RABEP1: variants seen among roughly 807,000 people sequenced by gnomAD.
RABEP1 encodes the protein rabaptin, RAB GTPase binding effector protein 1.
In RABEP1, 51 loss-of-function variants were observed where a neutral mutation model predicts 123.4. That is an observed-to-expected ratio of 0.41 (90% CI 0.33 to 0.52). RABEP1 has a LOEUF of 0.52. RABEP1 is among the 20% of genes least tolerant of loss of function. The pLI is 0.16. For synonymous variants in RABEP1, 347 were observed against 355.2 expected, an observed-to-expected ratio of 0.98 and a Z score of 0.26; for missense variants, 888 against 996.3, an observed-to-expected ratio of 0.89 and a Z score of 1.46.
chr17:5,294,472 A>G (rs1323966513), intron 1 of RABEP1, among the ~76,000 whole-genome samples: 1 of 152,044 alleles, frequency 6.6e-6, no homozygotes, highest in Non-Finnish European at 1.5e-5. Context: ...ATTAGGTATT[A>G]TAAGTTATTT....
intron 2 of RABEP1, among the ~76,000 whole-genome samples, chr17:5,326,146 A>G (rs573985793): frequency 6.6e-6 from 1 of 152,338 alleles, no homozygotes; most frequent in East Asian, 1.9e-4. Flanking sequence ...GCTCCTTGGT[A>G]TGCAATTAAA....
At chr17:5,314,552 T>C (rs1323528769) in intron 2 of RABEP1, among the ~76,000 whole-genome samples, 5 of 148,834 alleles carry the variant, frequency 3.4e-5, no homozygotes, top group African/African-American at 1.2e-4. Flanking sequence ...GGAGTCTTGC[T>C]CTGTCACCCA....
At chr17:5,356,272 T>C (rs960310778) in intron 8 of RABEP1, among the ~76,000 whole-genome samples, 1 of 152,094 alleles carries the variant, frequency 6.6e-6, no homozygotes, top group African/African-American at 2.4e-5. Flanking sequence ...ATGAGAATTG[T>C]TTGAACCCGG....
intron 1 of RABEP1, among the ~76,000 whole-genome samples, chr17:5,292,961 C>T (rs1260819173): frequency 6.6e-6 from 1 of 152,196 alleles, no homozygotes; most frequent in Admixed American, 6.5e-5. Context: ...GCATTACAGG[C>T]ATGAGCTGCT....
chr17:5,320,929 T>C (rs2075349525), intron 2 of RABEP1, among the ~76,000 whole-genome samples: 1 of 152,186 alleles, frequency 6.6e-6, no homozygotes, highest in Non-Finnish European at 1.5e-5. Context: ...ATAACAACAC[T>C]GAATGTATAT....
intron 1 of RABEP1, among the ~76,000 whole-genome samples, chr17:5,305,946 G>A (rs1348515307): frequency 1.3e-5 from 2 of 152,048 alleles, no homozygotes; most frequent in Non-Finnish European, 2.9e-5. Context: ...TACCATTAGT[G>A]ACATGGAACT....
intron 8 of RABEP1, among the ~76,000 whole-genome samples, chr17:5,355,519 C>T (rs1456660655): frequency 6.6e-6 from 1 of 152,204 alleles, no homozygotes; most frequent in African/African-American, 2.4e-5. Flanking sequence ...GTAGCCAGAC[C>T]TGTGCACTTA....
intron 1 of RABEP1, among the ~76,000 whole-genome samples, chr17:5,288,032 G>T (rs1197665980): frequency 6.6e-6 from 1 of 152,118 alleles, no homozygotes; most frequent in African/African-American, 2.4e-5. Context: ...ATGGCCAACA[G>T]GATTTGCTGA....
rs532546238 is a variant in RABEP1, at chr17:5,351,641, T to G, written c.963+1012T>G. On this transcript the variant is annotated intron_variant, in intron 7 of 17. Transcript: ENST00000537505. ...TGAGACTCTGTTTCTACAATAATAATAAGAAGAATAATTAGCTGGGCATGG... is the reference window on the plus strand; with the variant it reads ...TGAGACTCTGTTTCTACAATAATAAGAAGAAGAATAATTAGCTGGGCATGG... Among the ~76,000 whole-genome samples the G allele has an allele frequency of 2.2e-4, 33 of 152,008 alleles. 1 individual carries two copies. In the South Asian group the frequency reaches 4.2e-3, roughly 19 times the overall value.
chr17:5,290,950 C>G (rs532602364), intron 1 of RABEP1, among the ~76,000 whole-genome samples: 1 of 152,262 alleles, frequency 6.6e-6, no homozygotes, highest in African/African-American at 2.4e-5. Context: ...TTAACACTTT[C>G]ACAATTGAGG....
intron 7 of RABEP1, among the ~76,000 whole-genome samples, chr17:5,353,698 A>G (rs1214628105): frequency 6.6e-6 from 1 of 152,060 alleles, no homozygotes; most frequent in Non-Finnish European, 1.5e-5. Flanking sequence ...AAAACCAAAA[A>G]ATTAGCCAGG....
chr17:5,282,598 A>AGGC, intron 1 of RABEP1, 78 bp downstream of exon 1: 1 of 1,017,826 alleles, frequency 9.8e-7, no homozygotes, highest in Non-Finnish European at 1.2e-6. Context: ...CGGGGCGGGC[A>AGGC]GGCGGCGGCA....
chr17:5,301,546 A>G (rs2075134992), intron 1 of RABEP1, among the ~76,000 whole-genome samples: 1 of 152,206 alleles, frequency 6.6e-6, no homozygotes, highest in African/African-American at 2.4e-5. Flanking sequence ...AACCTGAACC[A>G]GAATATAAAT....
At chr17:5,372,594 C>T (rs1234945766) in intron 12 of RABEP1, among the ~76,000 whole-genome samples, 1 of 152,198 alleles carries the variant, frequency 6.6e-6, no homozygotes, top group East Asian at 1.9e-4. Context: ...AATGAAGACA[C>T]TACTCTGTTT....
At chr17:5,363,486 G>A (rs1464804811) in intron 10 of RABEP1, among the ~76,000 whole-genome samples, 1 of 152,000 alleles carries the variant, frequency 6.6e-6, no homozygotes, top group African/African-American at 2.4e-5. Context: ...CCAAAGTGTT[G>A]GGATTACAGG....
intron 2 of RABEP1, among the ~76,000 whole-genome samples, chr17:5,324,096 A>G (rs1905727000): frequency 6.6e-6 from 1 of 152,102 alleles, no homozygotes; most frequent in African/African-American, 2.4e-5. Context: ...CTTAAAATTT[A>G]TATGGAACTG....
chr17:5,286,115 G>T (rs1261438089), intron 1 of RABEP1, among the ~76,000 whole-genome samples: 3 of 152,174 alleles, frequency 2.0e-5, no homozygotes, highest in African/African-American at 7.2e-5. Flanking sequence ...ACTTGCCAAC[G>T]ATATATGGCA....
chr17:5,332,876 C>T (rs1290758230), intron 3 of RABEP1, among the ~76,000 whole-genome samples: 2 of 152,062 alleles, frequency 1.3e-5, no homozygotes, highest in Non-Finnish European at 2.9e-5. Context: ...TCCCAAAGTC[C>T]TGGGATTACA....
At chr17:5,378,327 C>A in intron 15 of RABEP1, 95 bp downstream of exon 15, 1 of 1,217,866 alleles carries the variant, frequency 8.2e-7, no homozygotes, top group Non-Finnish European at 1.2e-6. Flanking sequence ...ATAGTTAAGG[C>A]ATGGGCCCTG....
Sources: gnomAD v4.1 joint callset for allele counts (sites outside exome capture counted in the v4.1 genomes callset) on GRCh38, gnomAD v4.1.1 for gene constraint, MANE v1.5 for transcripts, NCBI Gene and HGNC (gene_info 2026-07-23, HGNC 2026-07-21) for gene names.